The following C16orf87 variants were observed in gnomAD, a reference collection of about 807,000 sequenced individuals.
C16orf87 encodes HDAC and MIER1 interacting protein 1, also known as UPF0547 protein C16orf87.
In C16orf87, 13 loss-of-function variants were observed where a neutral mutation model predicts 21.0. The observed-to-expected ratio is 0.62, with a 90% CI of 0.40 to 0.98. The LOEUF (loss-of-function observed/expected upper bound fraction) is 0.98. C16orf87 is among the 50% of genes least tolerant of loss of function. C16orf87 has a pLI of 0.00. For synonymous variants in C16orf87, 49 were observed against 60.2 expected (o/e 0.81, Z 0.86); for missense variants, 113 against 180.4 (o/e 0.63, Z 2.14).
intron 2 of C16orf87, among the ~76,000 whole-genome samples, chr16:46,818,945 A>T (rs1018435937): frequency 2.6e-5 from 4 of 152,270 alleles, no homozygotes; most frequent in African/African-American, 9.6e-5. Context: ...CAGGTAAATG[A>T]CTTCGTAACT....
At chr16:46,810,702 C>A (rs1968054692) in intron 2 of C16orf87, among the ~76,000 whole-genome samples, 1 of 152,088 alleles carries the variant, frequency 6.6e-6, no homozygotes, top group Admixed American at 6.5e-5. Flanking sequence ...ATATTATCCC[C>A]AAACACCATA....
chr16:46,799,230 T>C lies in C16orf87; in HGVS notation c.*3722A>G, dbSNP rs905047648. 1 of 152,144 alleles carries C rather than the reference T, an allele frequency of 6.6e-6. No individual in the cohort carries two copies. The highest frequency in any genetic ancestry group is 1.5e-5 in the Non-Finnish European group (1 of 68,024). 9.4% of individuals were successfully genotyped at this position (152,144 alleles called of 1,614,324 possible). On this transcript the variant is annotated 3_prime_UTR_variant, in exon 4 of 4. Coordinates refer to ENST00000285697, the MANE Select transcript of C16orf87 (RefSeq NM_001001436.4). ...GTAATCTTTGAGTAGTAAGTACTACTAATATTCAAACTATAATAAATGGGT... is the reference window on the plus strand; with the variant it reads ...GTAATCTTTGAGTAGTAAGTACTACCAATATTCAAACTATAATAAATGGGT...
At position 46,809,766 on chromosome 16, in the gene C16orf87, C is replaced by T. The variant is rs1968031375; in HGVS notation, c.183G>A (p.Lys61=). 2 of 1,607,014 alleles carry T rather than the reference C, an allele frequency of 1.2e-6. No homozygotes were observed. Among genetic ancestry groups the T allele is most frequent in the Non-Finnish European group, 1.7e-6 (2 of 1,175,136 alleles). ...TCCTAACTCTCTCTGTTCGCCTCCT[C>T]TTGGCCTCATGCTTGTTTTCTGTAT... The part of the protein sequence containing the change: ...PPSTENKHEA[K]RRRTERVRRE... The change falls in exon 3 of 4, where the codon AAG becomes AAA. Residue 61 remains lysine (K), a synonymous_variant. Transcript: ENST00000285697.
chr16:46,823,755 C>T (rs1285801461), intron 2 of C16orf87, among the ~76,000 whole-genome samples: 1 of 152,182 alleles, frequency 6.6e-6, no homozygotes, highest in African/African-American at 2.4e-5. Context: ...AAGACTCCTA[C>T]TAAGCAATAA....
At chr16:46,803,138 C>A in intron 3 of C16orf87, 68 bp from the exon 4 acceptor site, 3 of 693,596 alleles carry the variant, frequency 4.3e-6, no homozygotes, top group Admixed American at 5.4e-5. Flanking sequence ...TTTTTTAAAG[C>A]TTTCAAGTAT....
chr16:46,827,934 T>C (rs1425271709), intron 1 of C16orf87, among the ~76,000 whole-genome samples: 1 of 150,396 alleles, frequency 6.6e-6, no homozygotes. Context: ...AGTGTTTCAC[T>C]GATTTTTTTA....
chr16:46,814,369 A>G (rs918013714), intron 2 of C16orf87, among the ~76,000 whole-genome samples: 2 of 152,192 alleles, frequency 1.3e-5, no homozygotes, highest in Non-Finnish European at 2.9e-5. Flanking sequence ...ATGTATACAG[A>G]GCAACTGACA....
At chr16:46,819,620 A>T (rs1180510630) in intron 2 of C16orf87, among the ~76,000 whole-genome samples, 5 of 151,788 alleles carry the variant, frequency 3.3e-5, no homozygotes, top group Non-Finnish European at 7.4e-5. Context: ...AGCATTTCTT[A>T]ACACAGTGTT....
intron 2 of C16orf87, among the ~76,000 whole-genome samples, chr16:46,819,252 G>C (rs888561677): frequency 6.6e-5 from 10 of 151,988 alleles, no homozygotes; most frequent in Non-Finnish European, 1.2e-4. Context: ...CTAATTTTTT[G>C]TTATTTTTCT....
Position 46,802,966 on chromosome 16 carries a change from T to G in C16orf87, c.451A>C (p.Arg151=). ...GCAAACAAGTATCAGAGAATAAGTC[T>G]TTGATTGATAATTTTTCTATTTATT... ...AEINRKIINQ[R]LIL Residue 151 remains arginine (R), a synonymous_variant, in exon 4 of 4, where the codon AGA becomes CGA. Coordinates refer to ENST00000285697, the MANE Select transcript of C16orf87 (RefSeq NM_001001436.4). 6.4e-7 allele frequency: 1 copy of G among 1,554,826 alleles called. No individual in the cohort carries two copies. Among genetic ancestry groups the G allele is most frequent in the Non-Finnish European group, 8.9e-7 (1 of 1,129,436 alleles).
intron 2 of C16orf87, among the ~76,000 whole-genome samples, chr16:46,810,112 C>T (rs890012819): frequency 2.0e-5 from 3 of 152,042 alleles, no homozygotes; most frequent in Non-Finnish European, 4.4e-5. Context: ...TGTTTCCAAG[C>T]TAAAAATAGT....
In C16orf87 at chr16:46,799,172, G is replaced by A. The variant is rs1967703558; in HGVS notation, c.*3780C>T. 1 of 152,136 alleles carries A rather than the reference G, an allele frequency of 6.6e-6. No individual in the cohort carries two copies. Among genetic ancestry groups the A allele is most frequent in the Non-Finnish European group, 1.5e-5 (1 of 68,042 alleles). The allele number at this position is 152,136 out of a possible 1,614,324, so 9.4% of individuals were successfully genotyped here. A position where few individuals can be genotyped will look rare whatever the true frequency, so the allele number is the denominator to read the frequency against. ...TCATACTTTTAATCCTGGAGAGTCTGCTTTGTATGTTAGGATAGTTATTAG... is the reference window on the plus strand; with the variant it reads ...TCATACTTTTAATCCTGGAGAGTCTACTTTGTATGTTAGGATAGTTATTAG... On this transcript the variant is annotated 3_prime_UTR_variant, in exon 4 of 4. Coordinates refer to ENST00000285697, the MANE Select transcript of C16orf87 (RefSeq NM_001001436.4).
At chr16:46,827,728 G>T (rs1959670442) in intron 1 of C16orf87, among the ~76,000 whole-genome samples, 1 of 151,716 alleles carries the variant, frequency 6.6e-6, no homozygotes, top group South Asian at 2.1e-4. Context: ...GATTACAGGT[G>T]CCTGTCACCA....
rs1421281887 is a variant in C16orf87 at position 46,802,121 on chromosome 16, A to T, written c.*831T>A. 6.6e-6 allele frequency: 1 copy of T among 152,346 alleles called. No homozygotes were observed. Among genetic ancestry groups the T allele is most frequent in the Non-Finnish European group, 1.5e-5 (1 of 68,014 alleles). The allele number at this position is 152,346 out of a possible 1,614,324, so 9.4% of individuals were successfully genotyped here. A position where few individuals can be genotyped will look rare whatever the true frequency, so the allele number is the denominator to read the frequency against. ...AAATAATTATCAGGATATAGAAACA[A>T]ATATCCATTCAGATAAAACATTACT... On this transcript the variant is annotated 3_prime_UTR_variant, in exon 4 of 4. Transcript: ENST00000285697.
At position 46,801,626 on chromosome 16, in the gene C16orf87, GA is replaced by G. The variant is rs1270958094; in HGVS notation, c.*1325del. On this transcript the variant is annotated 3_prime_UTR_variant, in exon 4 of 4. Coordinates refer to ENST00000285697, the MANE Select transcript of C16orf87 (RefSeq NM_001001436.4). ...TTAGGAAAATTCTTTATCCTATCTA[GA>G]GTACCTCTTAAGCTCCCTCTGCTGG... 1 of 152,222 alleles carries G rather than the reference GA, an allele frequency of 6.6e-6. No individual in the cohort carries two copies. The highest frequency in any genetic ancestry group is 1.9e-4 in the East Asian group (1 of 5,200). 9.4% of individuals were successfully genotyped at this position (152,222 alleles called of 1,614,324 possible).
intron 2 of C16orf87, among the ~76,000 whole-genome samples, chr16:46,816,263 T>TACAC: frequency 6.6e-6 from 1 of 152,170 alleles, no homozygotes. Context: ...GTTTAATGGG[T>TACAC]ACACGGTTTC....
chr16:46,812,142 G>T (rs1968106145), intron 2 of C16orf87, among the ~76,000 whole-genome samples: 2 of 152,104 alleles, frequency 1.3e-5, no homozygotes, highest in South Asian at 4.1e-4. Flanking sequence ...TACTCAGGAG[G>T]CCAAGACATG....
At chr16:46,822,476 T>C (rs1269473973) in intron 2 of C16orf87, among the ~76,000 whole-genome samples, 5 of 152,190 alleles carry the variant, frequency 3.3e-5, no homozygotes, top group Non-Finnish European at 7.3e-5. Context: ...AATGCATTTT[T>C]AACAAGTTCT....
chr16:46,822,353 C>T (rs1959449106), intron 2 of C16orf87, among the ~76,000 whole-genome samples: 1 of 152,212 alleles, frequency 6.6e-6, no homozygotes, highest in Non-Finnish European at 1.5e-5. Context: ...ATGTCTTATT[C>T]ATTTTTAGAA....
Sources: gnomAD v4.1 joint callset for allele counts (sites outside exome capture counted in the v4.1 genomes callset) on GRCh38, gnomAD v4.1.1 for gene constraint, MANE v1.5 for transcripts, NCBI Gene and HGNC (gene_info 2026-07-23, HGNC 2026-07-21) for gene names.